KCNB2: variants seen among roughly 807,000 people sequenced by gnomAD.
KCNB2 encodes delayed rectifier potassium channel protein.
In KCNB2, 15 loss-of-function variants were observed where a neutral mutation model predicts 61.5. That is an observed-to-expected ratio of 0.24 (90% CI 0.16 to 0.38). KCNB2 has a LOEUF of 0.38. KCNB2 is among the 10% of genes least tolerant of loss of function. The pLI is 1.00. For missense variants in KCNB2, 828 were observed against 1,125.2 expected, an observed-to-expected ratio of 0.74 and a Z score of 3.78; for synonymous variants, 457 against 446.0, an observed-to-expected ratio of 1.02 and a Z score of -0.31.
intron 2 of KCNB2, among the ~76,000 whole-genome samples, chr8:72,755,282 A>G (rs1368434596): frequency 2.0e-5 from 3 of 152,194 alleles, no homozygotes. Context: ...GCTGCCACAG[A>G]AAAAGGACAT....
chr8:72,868,597 A>C (rs1401665481), intron 2 of KCNB2, among the ~76,000 whole-genome samples: 1 of 152,006 alleles, frequency 6.6e-6, no homozygotes, highest in East Asian at 1.9e-4. Flanking sequence ...CAAACAAAAA[A>C]AACCCCAAAA....
At chr8:72,711,823 A>G (rs1211976874) in intron 2 of KCNB2, among the ~76,000 whole-genome samples, 2 of 152,140 alleles carry the variant, frequency 1.3e-5, no homozygotes, top group Non-Finnish European at 2.9e-5. Flanking sequence ...CCCCATCTCT[A>G]CTAAAAATAC....
chr8:72,673,424 A>G (rs1806599068), intron 2 of KCNB2, among the ~76,000 whole-genome samples: 8 of 152,186 alleles, frequency 5.3e-5, no homozygotes, highest in Admixed American at 5.2e-4. Context: ...CCACCATGTG[A>G]AGAAAAACAT....
At chr8:72,850,247 T>C (rs1810076181) in intron 2 of KCNB2, among the ~76,000 whole-genome samples, 1 of 148,338 alleles carries the variant, frequency 6.7e-6, no homozygotes, top group African/African-American at 2.5e-5. Context: ...GTAAATAGAG[T>C]CTCACTCTGT....
At chr8:72,725,467 T>C (rs1807617323) in intron 2 of KCNB2, among the ~76,000 whole-genome samples, 1 of 148,900 alleles carries the variant, frequency 6.7e-6, no homozygotes, top group Middle Eastern at 3.2e-3. Flanking sequence ...TTGTAAGTTT[T>C]CTAGAAGGTG....
intron 2 of KCNB2, among the ~76,000 whole-genome samples, chr8:72,837,058 C>T (rs1809794866): frequency 6.6e-6 from 1 of 152,184 alleles, no homozygotes; most frequent in African/African-American, 2.4e-5. Flanking sequence ...GCATCTAATT[C>T]TATAAAAATG....
intron 2 of KCNB2, among the ~76,000 whole-genome samples, chr8:72,909,747 T>C (rs1806252089): frequency 6.6e-6 from 1 of 151,912 alleles, no homozygotes; most frequent in Non-Finnish European, 1.5e-5. Flanking sequence ...GGTCGATTGG[T>C]TGGGCTTTGG....
chr8:72,612,924 A>G (rs546146359), intron 2 of KCNB2, among the ~76,000 whole-genome samples: 2 of 152,338 alleles, frequency 1.3e-5, no homozygotes, highest in South Asian at 4.1e-4. Flanking sequence ...AAAATTAAAT[A>G]TGACAATATT....
chr8:72,866,141 T>C (rs1805514041), intron 2 of KCNB2, among the ~76,000 whole-genome samples: 2 of 152,164 alleles, frequency 1.3e-5, no homozygotes, highest in Non-Finnish European at 2.9e-5. Context: ...AACATCTGAG[T>C]ATGCTGAGCA....
chr8:72,590,039 G>T (rs1473400621), intron 2 of KCNB2, among the ~76,000 whole-genome samples: 1 of 151,896 alleles, frequency 6.6e-6, no homozygotes, highest in East Asian at 1.9e-4. Flanking sequence ...CTGACGTATA[G>T]TAAAAGAGGC....
At chr8:72,863,496 A>G (rs1291037157) in intron 2 of KCNB2, among the ~76,000 whole-genome samples, 2 of 152,242 alleles carry the variant, frequency 1.3e-5, no homozygotes, top group Admixed American at 1.3e-4. Flanking sequence ...AAAGAAAAAA[A>G]CAGGTATATA....
Position 72,706,750 on chromosome 8 carries a change from A to G in KCNB2, c.579+138437A>G, listed in dbSNP as rs368556504. 5.3e-5 allele frequency among the ~76,000 whole-genome samples: 8 copies of G among 152,344 alleles called. No homozygotes were observed. In the East Asian group the frequency reaches 1.5e-3, roughly 29 times the overall value. On this transcript the variant is annotated intron_variant, in intron 2 of 2. Transcript: ENST00000523207. Reference sequence around the variant, plus strand: ...ATAAAATCCCCTTTGAAGAATAGGGATGGGCAAAGTTGCCACAAATTTCTT... The same window carrying G: ...ATAAAATCCCCTTTGAAGAATAGGGGTGGGCAAAGTTGCCACAAATTTCTT...
chr8:72,790,527 G>A (rs975672350), intron 2 of KCNB2, among the ~76,000 whole-genome samples: 1 of 152,142 alleles, frequency 6.6e-6, no homozygotes, highest in South Asian at 2.1e-4. Flanking sequence ...CCAGATTATA[G>A]TGGGTAATGG....
chr8:72,656,440 A>G (rs1806292704), intron 2 of KCNB2, among the ~76,000 whole-genome samples: 1 of 152,162 alleles, frequency 6.6e-6, no homozygotes, highest in Admixed American at 6.6e-5. Context: ...TTGGCTGTCA[A>G]CATTCGAGTC....
chr8:72,922,831 G>C (rs571272292), intron 2 of KCNB2, among the ~76,000 whole-genome samples: 86 of 152,198 alleles, frequency 5.7e-4, no homozygotes, highest in Non-Finnish European at 1.1e-3. Context: ...AATCAATTTA[G>C]AAGCTTATTT....
At chr8:72,542,312 C>T (rs910460797) in intron 1 of KCNB2, among the ~76,000 whole-genome samples, 9 of 152,070 alleles carry the variant, frequency 5.9e-5, no homozygotes, top group Non-Finnish European at 1.0e-4. Flanking sequence ...TTAGGTCTTA[C>T]AGGTTCAATC....
chr8:72,709,465 C>T (rs1341423810), intron 2 of KCNB2, among the ~76,000 whole-genome samples: 9 of 151,592 alleles, frequency 5.9e-5, no homozygotes, highest in South Asian at 2.1e-4. Flanking sequence ...AGCACGGTGC[C>T]GGCATCTGCT....
At chr8:72,564,796 G>A (rs1806599435) in intron 1 of KCNB2, among the ~76,000 whole-genome samples, 1 of 152,094 alleles carries the variant, frequency 6.6e-6, no homozygotes. Flanking sequence ...AATTCAATGG[G>A]AAAGACAGAA....
At chr8:72,895,590 G>T (rs1805977136) in intron 2 of KCNB2, among the ~76,000 whole-genome samples, 1 of 152,178 alleles carries the variant, frequency 6.6e-6, no homozygotes, top group Admixed American at 6.5e-5. Flanking sequence ...GTGATAATTT[G>T]TTACAGCAGC....
Sources: gnomAD v4.1 joint callset for allele counts (sites outside exome capture counted in the v4.1 genomes callset) on GRCh38, gnomAD v4.1.1 for gene constraint, MANE v1.5 for transcripts, NCBI Gene and HGNC (gene_info 2026-07-23, HGNC 2026-07-21) for gene names.